LRP1B: variants seen among roughly 807,000 people sequenced by gnomAD.
The protein encoded by LRP1B is low-density lipoprotein receptor-related protein 1B.
In LRP1B, 217 loss-of-function variants were observed where a neutral mutation model predicts 556.6. That is an observed-to-expected ratio of 0.39 (90% CI 0.35 to 0.44). The LOEUF (loss-of-function observed/expected upper bound fraction) is 0.44. LRP1B is among the 20% of genes least tolerant of loss of function. The pLI, the probability that LRP1B is intolerant of heterozygous loss-of-function variation, is 1.00. For synonymous variants in LRP1B, 2,047 were observed against 1,865.8 expected, an observed-to-expected ratio of 1.10 and a Z score of -2.50; for missense variants, 5,053 against 5,620.8, an observed-to-expected ratio of 0.90 and a Z score of 3.23.
intron 3 of LRP1B, among the ~76,000 whole-genome samples, chr2:141,267,784 G>C (rs1388837804): frequency 6.6e-6 from 1 of 152,104 alleles, no homozygotes; most frequent in Non-Finnish European, 1.5e-5. Context: ...ATATATAATT[G>C]AAGAAGGATT....
chr2:140,394,827 AAG>A (rs1684180479), intron 66 of LRP1B, among the ~76,000 whole-genome samples: 1 of 152,180 alleles, frequency 6.6e-6, no homozygotes, highest in Middle Eastern at 3.2e-3. Flanking sequence ...TAGATTTTGA[AAG>A]AGATTATTTT....
At chr2:142,034,997 A>C (rs1004099873) in intron 1 of LRP1B, among the ~76,000 whole-genome samples, 1 of 151,858 alleles carries the variant, frequency 6.6e-6, no homozygotes, top group Non-Finnish European at 1.5e-5. Flanking sequence ...ATGTATGAAT[A>C]AAGATCTTAT....
chr2:140,574,394 A>G (rs1036064918), intron 43 of LRP1B, among the ~76,000 whole-genome samples: 7 of 152,108 alleles, frequency 4.6e-5, no homozygotes, highest in Admixed American at 4.6e-4. Flanking sequence ...CAGCACTTTG[A>G]CCATTCTACA....
chr2:140,592,935 GACACACACACAC>G (rs10594387), intron 43 of LRP1B, among the ~76,000 whole-genome samples: 55 of 148,932 alleles, frequency 3.7e-4, no homozygotes, highest in African/African-American at 1.3e-3. Context: ...GTGAGATCCT[GACACACACACAC>G]ACACACACAC....
chr2:141,298,425 G>A (rs926205661), intron 3 of LRP1B, among the ~76,000 whole-genome samples: 1 of 152,102 alleles, frequency 6.6e-6, no homozygotes, highest in Non-Finnish European at 1.5e-5. Flanking sequence ...CCAGAATGTG[G>A]ACAATTTGTC....
chr2:140,459,716 T>A (rs1687240786), intron 60 of LRP1B, among the ~76,000 whole-genome samples: 1 of 152,198 alleles, frequency 6.6e-6, no homozygotes, highest in Non-Finnish European at 1.5e-5. Flanking sequence ...TTTGGCTCCG[T>A]GTCTCCACCC....
At chr2:141,130,501 C>G (rs1410311710) in intron 7 of LRP1B, among the ~76,000 whole-genome samples, 1 of 151,910 alleles carries the variant, frequency 6.6e-6, no homozygotes, top group African/African-American at 2.4e-5. Flanking sequence ...ATTGTTCCAT[C>G]TTTTATAGAG....
intron 10 of LRP1B, among the ~76,000 whole-genome samples, chr2:141,053,926 C>T (rs892605819): frequency 6.6e-6 from 1 of 151,706 alleles, no homozygotes; most frequent in African/African-American, 2.4e-5. Context: ...ACACACAAAA[C>T]TTCTTTTATC....
intron 1 of LRP1B, among the ~76,000 whole-genome samples, chr2:141,979,102 T>G (rs1701970741): frequency 6.6e-6 from 1 of 152,038 alleles, no homozygotes; most frequent in South Asian, 2.1e-4. Context: ...GAAGTAGCTA[T>G]TCTTAAATCT....
intron 7 of LRP1B, among the ~76,000 whole-genome samples, chr2:141,129,419 G>A (rs1701294802): frequency 6.6e-6 from 1 of 152,054 alleles, no homozygotes; most frequent in South Asian, 2.1e-4. Flanking sequence ...AAAGTTTACT[G>A]AGGAAGAACT....
chr2:141,725,618 T>C (rs1234789111), intron 2 of LRP1B, among the ~76,000 whole-genome samples: 2 of 151,980 alleles, frequency 1.3e-5, no homozygotes, highest in Non-Finnish European at 2.9e-5. Context: ...CATATAGGAA[T>C]ACATAAATAA....
intron 3 of LRP1B, among the ~76,000 whole-genome samples, chr2:141,454,694 C>A (rs1681562990): frequency 1.1e-5 from 1 of 91,374 alleles, no homozygotes; most frequent in Non-Finnish European, 2.3e-5. Flanking sequence ...ACCTGAAGTA[C>A]AGCCTTTATA....
intron 2 of LRP1B, among the ~76,000 whole-genome samples, chr2:141,579,209 T>C (rs908542183): frequency 1.6e-5 from 2 of 128,594 alleles, no homozygotes; most frequent in Non-Finnish European, 3.3e-5. Flanking sequence ...GCAGAACAGA[T>C]TCAGTGAATA....
intron 1 of LRP1B, among the ~76,000 whole-genome samples, chr2:142,126,780 A>T (rs1381805447): frequency 1.3e-5 from 2 of 151,854 alleles, no homozygotes; most frequent in Non-Finnish European, 3.0e-5. Context: ...AAAAAACTGG[A>T]TCCATATATA....
rs1696387287 is a variant in LRP1B, at chr2:140,970,712, ACCTTTTTTTTTTTTTT to A, written c.2887+11432_2887+11447del. 4.4e-4 allele frequency among the ~76,000 whole-genome samples: 55 copies of A among 126,414 alleles called. 3 individuals carry two copies. The highest frequency in any genetic ancestry group is 1.3e-3 in the African/African-American group (38 of 29,934). The allele number at this position is 126,414 out of a possible 152,430, so 82.9% of individuals were successfully genotyped here. Reference sequence around the variant, plus strand: ...TTTCTGATTTTCTTTTAATTTTTTAACCTTTTTTTTTTTTTTTTTTTTTTTTTTTTTTTTTTTTTTT... The same window carrying A: ...TTTCTGATTTTCTTTTAATTTTTTAATTTTTTTTTTTTTTTTTTTTTTTTT... On this transcript the variant is annotated intron_variant, in intron 18 of 90. Transcript: ENST00000389484.
At chr2:140,310,110 GGC>G in intron 83 of LRP1B, among the ~76,000 whole-genome samples, 1 of 151,610 alleles carries the variant, frequency 6.6e-6, no homozygotes, top group Admixed American at 6.6e-5. Flanking sequence ...TGTCTGACTG[GGC>G]TCCTCCTCTG....
intron 1 of LRP1B, among the ~76,000 whole-genome samples, chr2:141,970,186 A>G (rs1701689775): frequency 6.6e-6 from 1 of 151,548 alleles, no homozygotes; most frequent in Non-Finnish European, 1.5e-5. Flanking sequence ...TTAACCATTT[A>G]TCAGACATCT....
In LRP1B at chr2:140,438,078, G is replaced by A. The variant is rs561613838; in HGVS notation, c.10414+4426C>T. Among the ~76,000 whole-genome samples, 30 of 152,224 alleles carry A rather than the reference G, an allele frequency of 2.0e-4. No individual in the cohort carries two copies. The South Asian group carries it at 3.9e-3, about 20-fold the overall frequency. On this transcript the variant is annotated intron_variant, in intron 66 of 90. Coordinates refer to ENST00000389484, the MANE Select transcript of LRP1B (RefSeq NM_018557.3). ...CTGTCACCTAGGCTACAGTACAGGT[G>A]CAACCATGGTTCACTGCAGCATCAA... is the stretch of plus-strand genomic sequence containing the variant.
At chr2:140,965,517 T>C (rs889557793) in intron 18 of LRP1B, among the ~76,000 whole-genome samples, 4 of 150,194 alleles carry the variant, frequency 2.7e-5, no homozygotes, top group Admixed American at 1.3e-4. Context: ...ATAATAGTTA[T>C]ATAAAATTTT....
Sources: gnomAD v4.1 joint callset for allele counts (sites outside exome capture counted in the v4.1 genomes callset) on GRCh38, gnomAD v4.1.1 for gene constraint, MANE v1.5 for transcripts, NCBI Gene and HGNC (gene_info 2026-07-23, HGNC 2026-07-21) for gene names.